DLGAP1: variants seen among roughly 807,000 people sequenced by gnomAD.
The protein encoded by DLGAP1 is DLG associated protein 1, also known as disks large-associated protein 1.
A neutral mutation model predicts 90.8 loss-of-function variants in DLGAP1; 11 were observed. The observed-to-expected ratio is 0.12, with a 90% CI of 0.08 to 0.20. The LOEUF is 0.20. Ranked by LOEUF, DLGAP1 falls within the 10% of genes least tolerant of loss-of-function variation. The probability of loss-of-function intolerance (pLI) is 1.00; values close to 1 mark genes in which losing one functional copy is unlikely to be tolerated. For missense variants in DLGAP1, 1,050 were observed against 1,333.8 expected (o/e 0.79, Z 3.31); for synonymous variants, 558 against 540.7 (o/e 1.03, Z -0.44).
intron 1 of DLGAP1, among the ~76,000 whole-genome samples, chr18:4,343,639 G>A (rs975194030): frequency 6.6e-6 from 1 of 151,770 alleles, no homozygotes; most frequent in South Asian, 2.1e-4. Flanking sequence ...TCACACACTG[G>A]TGCCTGTTGG....
At chr18:3,770,111 C>T (rs964763305) in intron 5 of DLGAP1, 2 of 152,242 alleles carry the variant, frequency 1.3e-5, no homozygotes, top group South Asian at 2.1e-4. Context: ...TTTTAAACGT[C>T]TGCCATGATG....
intron 1 of DLGAP1, among the ~76,000 whole-genome samples, chr18:4,170,747 CTTAT>C (rs1239974437): frequency 6.6e-6 from 1 of 152,110 alleles, no homozygotes; most frequent in Non-Finnish European, 1.5e-5. Flanking sequence ...AATAACCTTA[CTTAT>C]TTAAATAAGA....
chr18:4,205,269 G>A (rs113581567), intron 1 of DLGAP1, among the ~76,000 whole-genome samples: 5 of 152,172 alleles, frequency 3.3e-5, no homozygotes, highest in Non-Finnish European at 7.3e-5. Context: ...CACATACACA[G>A]TAGGTGAGAA....
chr18:4,439,168 G>A (rs551794886), intron 1 of DLGAP1, among the ~76,000 whole-genome samples: 9 of 152,254 alleles, frequency 5.9e-5, no homozygotes, highest in African/African-American at 1.9e-4. Flanking sequence ...GCCCCCCTGG[G>A]TTTAATCCTA....
intron 3 of DLGAP1, among the ~76,000 whole-genome samples, chr18:3,887,078 T>G (rs2071336244): frequency 6.6e-6 from 1 of 152,238 alleles, no homozygotes; most frequent in Non-Finnish European, 1.5e-5. Context: ...TCTTGTTTCC[T>G]TATCTTATCA....
intron 2 of DLGAP1, among the ~76,000 whole-genome samples, chr18:4,117,117 G>A (rs912155634): frequency 5.9e-5 from 9 of 152,144 alleles, no homozygotes; most frequent in African/African-American, 2.2e-4. Context: ...GGAAGATCAC[G>A]TGAAGACAGC....
intron 1 of DLGAP1, among the ~76,000 whole-genome samples, chr18:4,197,199 A>AAAAAAAAAAAAAAAAAAAAAG (rs1555760529): frequency 2.9e-4 from 42 of 144,364 alleles, no homozygotes; most frequent in East Asian, 1.9e-3. Flanking sequence ...AAAAAAAAAA[A>AAAAAAAAAAAAAAAAAAAAAG]AAAAAAAAAG....
intron 9 of DLGAP1, 70 bp from the exon 10 acceptor site, chr18:3,534,685 CCTTT>C (rs1318372621): frequency 4.6e-4 from 560 of 1,207,486 alleles, no homozygotes; most frequent in Non-Finnish European, 5.6e-4. Flanking sequence ...TTCCTTCCTT[CCTTT>C]CTTTCTTTTT....
chr18:3,879,090 C>T lies in DLGAP1; in HGVS notation c.957+22G>A. On this transcript the variant is annotated intron_variant, in intron 4 of 12. Transcript: ENST00000315677. The surrounding 1 kb of genome is among the most constrained non-coding windows in gnomAD (Gnocchi z 6.6). ...CATGCCAGGTACTACTTCTAAGCCTCCATCATTGACAGAAATGGTACCTGC... is the reference window on the plus strand; with the variant it reads ...CATGCCAGGTACTACTTCTAAGCCTTCATCATTGACAGAAATGGTACCTGC... 6.8e-7 allele frequency: 1 copy of T among 1,481,480 alleles called. No homozygotes were observed. The highest frequency in any genetic ancestry group is 1.4e-5 in the South Asian group (1 of 69,400). 91.8% of individuals were successfully genotyped at this position (1,481,480 alleles called of 1,614,324 possible).
At chr18:3,765,116 A>ATTTTTTT (rs1240799372) in intron 5 of DLGAP1, among the ~76,000 whole-genome samples, 1 of 120,840 alleles carries the variant, frequency 8.3e-6, no homozygotes, top group African/African-American at 3.3e-5. Flanking sequence ...ACACTTGCAA[A>ATTTTTTT]CTTTTTTTTT....
chr18:3,789,108 T>C (rs2065599881), intron 5 of DLGAP1, among the ~76,000 whole-genome samples: 1 of 152,214 alleles, frequency 6.6e-6, no homozygotes, highest in Non-Finnish European at 1.5e-5. Flanking sequence ...TGCTAGTCCT[T>C]GATTGAGCCC....
At chr18:3,899,018 G>T (rs1468201703) in intron 3 of DLGAP1, among the ~76,000 whole-genome samples, 1 of 152,084 alleles carries the variant, frequency 6.6e-6, no homozygotes, top group East Asian at 1.9e-4. Context: ...TTCAATTTCC[G>T]TATGGCCACT....
At chr18:4,220,827 T>A (rs2078059346) in intron 1 of DLGAP1, among the ~76,000 whole-genome samples, 1 of 152,148 alleles carries the variant, frequency 6.6e-6, no homozygotes, top group African/African-American at 2.4e-5. Flanking sequence ...GGCCTCTTCT[T>A]ACACAGCAAT....
chr18:4,362,205 T>C (rs2081645120), intron 1 of DLGAP1, among the ~76,000 whole-genome samples: 1 of 152,180 alleles, frequency 6.6e-6, no homozygotes, highest in South Asian at 2.1e-4. Context: ...ATAGAATTCC[T>C]TTATGATCCA....
intron 3 of DLGAP1, chr18:3,984,363 A>T (rs1321639720): frequency 1.3e-5 from 2 of 152,268 alleles, no homozygotes; most frequent in Admixed American, 6.5e-5. Flanking sequence ...TATCACCTCA[A>T]TTACCCCAAG....
At chr18:3,612,134 T>C (rs978488799) in intron 7 of DLGAP1, among the ~76,000 whole-genome samples, 1 of 152,216 alleles carries the variant, frequency 6.6e-6, no homozygotes, top group African/African-American at 2.4e-5. Flanking sequence ...GGTGGGATGA[T>C]TGATTGAGCC....
chr18:3,586,953 T>C (rs1439080151), intron 7 of DLGAP1, among the ~76,000 whole-genome samples: 1 of 152,142 alleles, frequency 6.6e-6, no homozygotes, highest in Non-Finnish European at 1.5e-5. Context: ...CACCAGCCAA[T>C]ATGTTTGTCT....
intron 1 of DLGAP1, among the ~76,000 whole-genome samples, chr18:4,330,956 G>C (rs1448472190): frequency 6.6e-6 from 1 of 150,970 alleles, no homozygotes; most frequent in East Asian, 1.9e-4. Flanking sequence ...AACTGTAGTT[G>C]TGGACTTGTC....
chr18:4,167,790 TACA>T lies in DLGAP1; in HGVS notation c.-266-16506_-266-16504del, dbSNP rs149006724. Among the ~76,000 whole-genome samples the T allele has an allele frequency of 1.1e-3, 162 of 152,330 alleles. 1 individual carries two copies. The highest frequency in any genetic ancestry group is 3.8e-3 in the African/African-American group (159 of 41,580). On this transcript the variant is annotated intron_variant, in intron 1 of 12. Transcript: ENST00000315677. The stretch of plus-strand genomic sequence containing the variant: ...AATAGACAAAGATCAATCATATTTC[TACA>T]TACTAACAGTGAACATGTGGAAACA...
Sources: allele counts gnomAD v4.1 joint callset (sites outside exome capture counted in the v4.1 genomes callset), GRCh38; gene constraint gnomAD v4.1.1; non-coding constraint Gnocchi (gnomAD v3.1); transcripts MANE v1.5; gene names NCBI Gene and HGNC (gene_info 2026-07-23, HGNC 2026-07-21).